The following RECQL variants were observed in gnomAD, a reference collection of about 807,000 sequenced individuals.
RECQL encodes the protein ATP-dependent DNA helicase Q1.
A neutral mutation model predicts 75.8 loss-of-function variants in RECQL; 73 were observed. The observed-to-expected ratio is 0.96, with a 90% CI of 0.80 to 1.17. RECQL has a LOEUF of 1.17. Ranked by LOEUF, RECQL falls within the 50% of genes most tolerant of loss-of-function variation. The pLI, the probability that RECQL is intolerant of heterozygous loss-of-function variation, is 0.00. For missense variants in RECQL, 699 were observed against 772.1 expected, an observed-to-expected ratio of 0.91 and a Z score of 1.12; for synonymous variants, 248 against 254.4, an observed-to-expected ratio of 0.97 and a Z score of 0.24.
intron 5 of RECQL, among the ~76,000 whole-genome samples, chr12:21,485,312 C>T (rs1479705876): frequency 7.1e-6 from 1 of 140,006 alleles, no homozygotes; most frequent in Non-Finnish European, 1.5e-5. Context: ...GCACATCCTG[C>T]ATATGGACCC....
At chr12:21,480,043 G>GA (rs1272655287) in intron 6 of RECQL, among the ~76,000 whole-genome samples, 2 of 152,116 alleles carry the variant, frequency 1.3e-5, no homozygotes, top group African/African-American at 2.4e-5. Flanking sequence ...TTCAAGCAAA[G>GA]AAACAAGACA....
At chr12:21,485,808 G>C (rs1277099359) in intron 5 of RECQL, among the ~76,000 whole-genome samples, 1 of 152,052 alleles carries the variant, frequency 6.6e-6, no homozygotes, top group Non-Finnish European at 1.5e-5. Flanking sequence ...AGGGGGAAAT[G>C]GCTACATGGC....
chr12:21,499,470 A>G (rs1943565821), intron 2 of RECQL, 85 bp downstream of exon 2: 2 of 1,265,200 alleles, frequency 1.6e-6, no homozygotes, highest in Non-Finnish European at 2.2e-6. Context: ...TTCTATAATC[A>G]GAATTTTTAA....
intron 7 of RECQL, among the ~76,000 whole-genome samples, chr12:21,477,198 A>T (rs887431282): frequency 6.6e-6 from 1 of 152,028 alleles, no homozygotes; most frequent in Non-Finnish European, 1.5e-5. Context: ...AATTTACCAG[A>T]GAAGAGCAAG....
At chr12:21,498,125 C>A (rs1181431471) in intron 2 of RECQL, among the ~76,000 whole-genome samples, 2 of 152,214 alleles carry the variant, frequency 1.3e-5, no homozygotes, top group African/African-American at 4.8e-5. Flanking sequence ...AAACAAAGCA[C>A]AACAGAAGGC....
intron 5 of RECQL, 108 bp from the exon 6 acceptor site, chr12:21,483,682 G>C: frequency 2.7e-6 from 2 of 753,842 alleles, no homozygotes; most frequent in East Asian, 5.8e-5. Context: ...AATAGCCTTT[G>C]GCTCTTCTAG....
chr12:21,477,926 T>C lies in RECQL; in HGVS notation c.744A>G (p.Ala248=). The part of the protein sequence containing the change: ...LGILKRQFPN[A]SLIGLTATAT... Reference sequence around the variant, plus strand: ...CAGTTGCAGTCAGCCCAATTAGTGATGCGTTAGGGAACTGCCGCTTTAAGA... The same window carrying C: ...CAGTTGCAGTCAGCCCAATTAGTGACGCGTTAGGGAACTGCCGCTTTAAGA... Residue 248 remains alanine, a synonymous_variant, in exon 7 of 15, where the codon GCA becomes GCG. Coordinates refer to ENST00000444129, the MANE Select transcript of RECQL (RefSeq NM_002907.4). 1.9e-6 allele frequency: 3 copies of C among 1,613,520 alleles called. No homozygotes were observed. Among genetic ancestry groups the C allele is most frequent in the Non-Finnish European group, 2.5e-6 (3 of 1,179,772 alleles).
chr12:21,471,242 T>C, intron 13 of RECQL, 144 bp from the exon 14 acceptor site: 1 of 1,032,540 alleles, frequency 9.7e-7, no homozygotes, highest in Non-Finnish European at 1.4e-6. Flanking sequence ...ATAAAGCCTT[T>C]AAAGAAAATA....
chr12:21,479,845 C>T (rs1943159537), intron 6 of RECQL, among the ~76,000 whole-genome samples: 1 of 152,124 alleles, frequency 6.6e-6, no homozygotes, highest in South Asian at 2.1e-4. Context: ...AAGAGACATA[C>T]ATGAACCTAC....
intron 2 of RECQL, among the ~76,000 whole-genome samples, chr12:21,492,927 T>C (rs1943440782): frequency 6.6e-6 from 1 of 152,196 alleles, no homozygotes; most frequent in South Asian, 2.1e-4. Flanking sequence ...AGCTCATCCA[T>C]ACCCTCCCAT....
chr12:21,493,646 A>C (rs1163080781), intron 2 of RECQL, among the ~76,000 whole-genome samples: 1 of 152,200 alleles, frequency 6.6e-6, no homozygotes, highest in African/African-American at 2.4e-5. Flanking sequence ...AGGGGAACAT[A>C]AGGGCAGATT....
chr12:21,491,398 G>C lies in RECQL; in HGVS notation c.214+121C>G, dbSNP rs543908562. On this transcript the variant is annotated intron_variant, in intron 3 of 14. Coordinates refer to ENST00000444129, the MANE Select transcript of RECQL (RefSeq NM_002907.4). ...CACCTGCAAGTTTCCCATTCCACTG[G>C]AGAAATGGCCAGTTTCACCTCTAAG... 70 of 902,350 alleles carry C rather than the reference G, an allele frequency of 7.8e-5. 2 individuals are homozygous for C. In the South Asian group the frequency reaches 1.3e-3, roughly 17 times the overall value. The allele number at this position is 902,350 out of a possible 1,614,324, so 55.9% of individuals were successfully genotyped here.
chr12:21,488,383 C>G (rs1345113816), intron 4 of RECQL, among the ~76,000 whole-genome samples: 1 of 152,124 alleles, frequency 6.6e-6, no homozygotes, highest in Non-Finnish European at 1.5e-5. Context: ...GTTCTGGTTT[C>G]TGTTCTAGGC....
In RECQL at chr12:21,490,253, G is replaced by C. The variant is rs2136749144; in HGVS notation, c.340C>G (p.Pro114Ala). 1 of 1,612,744 alleles carries C rather than the reference G, an allele frequency of 6.2e-7. No individual in the cohort carries two copies. The part of the protein sequence containing the change: ...MAGKEVFLVM[P>A]TGGGKSLCYQ... ...CATAAGCTCTTTCCACCTCCTGTAG[G>C]CATAACAAGAAATACCTCCTTTCCA... The change falls in exon 4 of 15, where the codon CCT (proline) becomes GCT (alanine). Residue 114 changes from proline (P) to alanine (A), a missense_variant. This residue lies in a region of RECQL where 669 missense variants were observed against 713.5 expected (regional missense o/e 0.94). Transcript: ENST00000444129.
intron 2 of RECQL, among the ~76,000 whole-genome samples, chr12:21,494,461 G>A (rs1436087334): frequency 2.0e-5 from 3 of 152,296 alleles, no homozygotes; most frequent in African/African-American, 7.2e-5. Flanking sequence ...AGAAATTCTG[G>A]ATTTAATGTC....
intron 3 of RECQL, among the ~76,000 whole-genome samples, chr12:21,490,813 C>T (rs1352281581): frequency 6.6e-6 from 1 of 151,928 alleles, no homozygotes; most frequent in Non-Finnish European, 1.5e-5. Flanking sequence ...GTGGTTGTGC[C>T]ACTGCACTCC....
intron 12 of RECQL, among the ~76,000 whole-genome samples, chr12:21,472,392 A>C (rs571880162): frequency 7.2e-5 from 11 of 152,150 alleles, no homozygotes; most frequent in Admixed American, 5.9e-4. Flanking sequence ...TTAGCAATAG[A>C]GTATAGGAAA....
At chr12:21,479,829 A>C (rs1244849077) in intron 6 of RECQL, among the ~76,000 whole-genome samples, 1 of 152,234 alleles carries the variant, frequency 6.6e-6, no homozygotes, top group Non-Finnish European at 1.5e-5. Flanking sequence ...TAAATCAAAA[A>C]GAGTAAAGAG....
intron 10 of RECQL, 98 bp from the exon 11 acceptor site, chr12:21,475,077 T>C: frequency 3.3e-6 from 4 of 1,202,020 alleles, no homozygotes; most frequent in Non-Finnish European, 4.6e-6. Flanking sequence ...TGTTTTATAC[T>C]ACATCTAGAA....
Sources: gnomAD v4.1 joint callset for allele counts (sites outside exome capture counted in the v4.1 genomes callset) on GRCh38, gnomAD v4.1.1 for gene constraint, gnomAD v4.1.1 regional missense constraint, MANE v1.5 for transcripts, NCBI Gene and HGNC (gene_info 2026-07-23, HGNC 2026-07-21) for gene names.